Variants in RERE observed in about 807,000 individuals in gnomAD.
RERE encodes arginine-glutamic acid dipeptide repeats protein.
In RERE, 40 loss-of-function variants were observed where a neutral mutation model predicts 146.1. The observed-to-expected ratio is 0.27, with a 90% CI of 0.21 to 0.36. The LOEUF (loss-of-function observed/expected upper bound fraction) is 0.36, where lower values mean the gene tolerates loss of function less well. RERE is among the 10% of genes least tolerant of loss of function. The pLI is 1.00. For missense variants in RERE, 1,933 were observed against 2,138.7 expected (o/e 0.90, Z 1.90); for synonymous variants, 1,003 against 866.0 (o/e 1.16, Z -2.78).
At chr1:8,564,826 A>ATGTGGG (rs1553185585) in intron 4 of RERE, among the ~76,000 whole-genome samples, 2 of 117,838 alleles carry the variant, frequency 1.7e-5, no homozygotes, top group Non-Finnish European at 3.5e-5. Flanking sequence ...GTGTGTGTAT[A>ATGTGGG]TGTGTATGTG....
rs1210918657 is a variant in RERE at position 8,460,811 on chromosome 1, A to G, written c.1203+5114T>C. Among the ~76,000 whole-genome samples the G allele has an allele frequency of 5.3e-5, 8 of 152,228 alleles. 1 individual carries two copies. Among genetic ancestry groups the G allele is most frequent in the Admixed American group, 5.2e-4 (8 of 15,288 alleles). ...AATTTTAAAAACCAAAACGCAGCTA[A>G]GTGGATAGGAAGCAAAGAGTGAGAT... On this transcript the variant is annotated intron_variant, in intron 11 of 22. Transcript: ENST00000400908.
At chr1:8,756,805 A>G (rs2124523997) in intron 1 of RERE, among the ~76,000 whole-genome samples, 1 of 152,218 alleles carries the variant, frequency 6.6e-6, no homozygotes, top group African/African-American at 2.4e-5. Context: ...AGAAAGCCAC[A>G]TGTTGGCCAG....
intron 1 of RERE, among the ~76,000 whole-genome samples, chr1:8,787,758 G>A (rs551008923): frequency 6.0e-5 from 9 of 149,088 alleles, no homozygotes; most frequent in South Asian, 4.2e-4. Context: ...TTGAATACTG[G>A]TAGCAGAGGT....
At position 8,364,920 on chromosome 1, in the gene RERE, G is replaced by T; in HGVS notation, c.1448-82C>A. The T allele has an allele frequency of 1.8e-6, 1 of 543,298 alleles. No homozygotes were observed. Among genetic ancestry groups the T allele is most frequent in the Non-Finnish European group, 3.4e-6 (1 of 294,044 alleles). 33.7% of individuals were successfully genotyped at this position (543,298 alleles called of 1,614,324 possible). On this transcript the variant is annotated intron_variant, in intron 13 of 22. Coordinates refer to ENST00000400908, the MANE Select transcript of RERE (RefSeq NM_001042681.2). The surrounding 1 kb of genome is among the most constrained non-coding windows in gnomAD (Gnocchi z 5.1). ...GCTGGGCCGGTGGGGTGGGGGGGAGGGGGGAACACCTGTGACCTCTGGCCT... is the reference window on the plus strand; with the variant it reads ...GCTGGGCCGGTGGGGTGGGGGGGAGTGGGGAACACCTGTGACCTCTGGCCT...
Position 8,466,053 on chromosome 1 carries a change from C to T in RERE, c.1105-30G>A, listed in dbSNP as rs767113840. On this transcript the variant is annotated intron_variant, in intron 10 of 22. Transcript: ENST00000400908. ...AACAACAACAATTATAGTTAGCTAA[C>T]TGCACCAAATAACAGACAGGACACA... 8.3e-6 allele frequency: 13 copies of T among 1,559,442 alleles called. No individual in the cohort carries two copies. The East Asian group carries it at 2.7e-4, about 33-fold the overall frequency.
chr1:8,779,572 A>G (rs1641128927), intron 1 of RERE, among the ~76,000 whole-genome samples: 1 of 152,052 alleles, frequency 6.6e-6, no homozygotes, highest in Non-Finnish European at 1.5e-5. Flanking sequence ...CTGAGACAGG[A>G]GAATTGCTTG....
intron 1 of RERE, among the ~76,000 whole-genome samples, chr1:8,736,209 G>A (rs1227318970): frequency 6.6e-6 from 1 of 151,854 alleles, no homozygotes; most frequent in East Asian, 1.9e-4. Flanking sequence ...TTGTTTGTTT[G>A]TTTGTTTGTT....
chr1:8,800,768 C>T lies in RERE; in HGVS notation c.-145+16392G>A, dbSNP rs555789875. ...TCACTTGAGGTCAGGAGTTTGAGAC[C>T]AGCTTGGCCAACACAGTGAAACCCC... On this transcript the variant is annotated intron_variant, in intron 1 of 22. Coordinates refer to ENST00000400908, the MANE Select transcript of RERE (RefSeq NM_001042681.2). Among the ~76,000 whole-genome samples the T allele has an allele frequency of 2.0e-5, 3 of 152,176 alleles. No individual in the cohort carries two copies. In the East Asian group the frequency reaches 5.8e-4, roughly 29 times the overall value.
chr1:8,697,157 C>G lies in RERE; in HGVS notation c.-144-40716G>C, dbSNP rs563225710. ...AGAATTATGATCTGTGGAAAGAGCA[C>G]AGGCTAAGGAAGCTGCCTAGGTAAA... On this transcript the variant is annotated intron_variant, in intron 1 of 22. Coordinates refer to ENST00000400908, the MANE Select transcript of RERE (RefSeq NM_001042681.2). Among the ~76,000 whole-genome samples, 14 of 152,242 alleles carry G rather than the reference C, an allele frequency of 9.2e-5. No individual in the cohort carries two copies. In the South Asian group the frequency reaches 2.9e-3, roughly 32 times the overall value.
intron 11 of RERE, among the ~76,000 whole-genome samples, chr1:8,436,414 A>G (rs1324974567): frequency 6.6e-6 from 1 of 152,250 alleles, no homozygotes; most frequent in Non-Finnish European, 1.5e-5. Context: ...ATATCACCCT[A>G]CAGTCGCTAC....
Position 8,732,598 on chromosome 1 carries a change from C to T in RERE, c.-144-76157G>A, listed in dbSNP as rs191314461. Reference sequence around the variant, plus strand: ...ACTGTGGATAAGCACATGACATTTACGTTTCTGTCAAACCCCACAGAATGT... The same window carrying T: ...ACTGTGGATAAGCACATGACATTTATGTTTCTGTCAAACCCCACAGAATGT... On this transcript the variant is annotated intron_variant, in intron 1 of 22. Coordinates refer to ENST00000400908, the MANE Select transcript of RERE (RefSeq NM_001042681.2). Among the ~76,000 whole-genome samples the T allele has an allele frequency of 9.9e-5, 15 of 151,970 alleles. No homozygotes were observed. The East Asian group carries it at 1.9e-3, about 20-fold the overall frequency.
chr1:8,467,490 T>C (rs1176401635), intron 10 of RERE, among the ~76,000 whole-genome samples: 1 of 152,240 alleles, frequency 6.6e-6, no homozygotes, highest in African/African-American at 2.4e-5. Context: ...TCCTGGCAAC[T>C]GCTGGAGCCC....
intron 11 of RERE, among the ~76,000 whole-genome samples, chr1:8,457,341 G>A (rs1194074845): frequency 6.6e-6 from 1 of 152,158 alleles, no homozygotes; most frequent in African/African-American, 2.4e-5. Flanking sequence ...TGATAGCTCA[G>A]TACTTTGCCT....
intron 1 of RERE, among the ~76,000 whole-genome samples, chr1:8,690,147 G>A (rs1639179587): frequency 2.0e-5 from 3 of 152,104 alleles, no homozygotes; most frequent in Admixed American, 1.3e-4. Flanking sequence ...TTGCAGTTTC[G>A]GAGTCTCAGA....
Position 8,620,817 on chromosome 1 carries a change from C to T in RERE, c.396+3493G>A, listed in dbSNP as rs550887420. ...GAGCTCCTGCTTTTGACTACTTCTT[C>T]CATAAATACTTTGGTCAGCGCATTC... On this transcript the variant is annotated intron_variant, in intron 3 of 22. Coordinates refer to ENST00000400908, the MANE Select transcript of RERE (RefSeq NM_001042681.2). Among the ~76,000 whole-genome samples the T allele has an allele frequency of 2.0e-5, 3 of 151,820 alleles. No homozygotes were observed. The South Asian group carries it at 6.2e-4, about 32-fold the overall frequency.
rs75831755 is a variant in RERE at position 8,391,653 on chromosome 1, A to G, written c.1285-25679T>C. On this transcript the variant is annotated intron_variant, in intron 12 of 22. Transcript: ENST00000400908. The stretch of plus-strand genomic sequence containing the variant: ...TTAGGTCCCCCTGTTATGATTTCTC[A>G]TAATACTCAGCAGATTTCCATTATT... Among the ~76,000 whole-genome samples the G allele has an allele frequency of 4.3e-3, 651 of 152,270 alleles. 7 individuals carry two copies. Among genetic ancestry groups the G allele is most frequent in the African/African-American group, 0.015 (610 of 41,546 alleles).
At chr1:8,760,145 C>T (rs1640725073) in intron 1 of RERE, among the ~76,000 whole-genome samples, 2 of 152,180 alleles carry the variant, frequency 1.3e-5, no homozygotes, top group East Asian at 1.9e-4. Context: ...CCTGCCTCAG[C>T]CTCCTGAGTA....
intron 1 of RERE, among the ~76,000 whole-genome samples, chr1:8,704,904 A>G (rs1206519158): frequency 2.0e-5 from 3 of 152,206 alleles, no homozygotes; most frequent in African/African-American, 7.2e-5. Context: ...AAGCTCCACT[A>G]AACACCATTC....
intron 11 of RERE, chr1:8,429,810 A>G (rs1472934991): frequency 1.3e-5 from 2 of 152,656 alleles, no homozygotes; most frequent in African/African-American, 2.4e-5. Context: ...TTATGTTAAT[A>G]ATTTATTGGT....
Sources: gnomAD v4.1 joint callset for allele counts (sites outside exome capture counted in the v4.1 genomes callset) on GRCh38, gnomAD v4.1.1 for gene constraint, Gnocchi (gnomAD v3.1) non-coding constraint, MANE v1.5 for transcripts, NCBI Gene and HGNC (gene_info 2026-07-23, HGNC 2026-07-21) for gene names.